The following MACO1 variants were observed in gnomAD, a reference collection of about 807,000 sequenced individuals.
The protein encoded by MACO1 is macoilin 1, also known as macoilin.
Under a neutral mutation model 78.7 loss-of-function variants are expected in MACO1, and 14 were observed. The ratio of observed to expected loss-of-function variants is 0.18; its 90% CI spans 0.12 to 0.28. The LOEUF is 0.28. Among genes scored for constraint, MACO1 ranks in the 10% least tolerant of loss-of-function variants. The pLI, the probability that MACO1 is intolerant of heterozygous loss-of-function variation, is 1.00. For missense variants in MACO1, 501 were observed against 799.0 expected, an observed-to-expected ratio of 0.63 and a Z score of 4.50; for synonymous variants, 288 against 291.6, an observed-to-expected ratio of 0.99 and a Z score of 0.12.
chr1:25,439,347 G>T (rs2042947559), intron 1 of MACO1, among the ~76,000 whole-genome samples: 1 of 151,936 alleles, frequency 6.6e-6, no homozygotes, highest in South Asian at 2.1e-4. Context: ...AGTGAGTTAT[G>T]ATCACACCAC....
intron 6 of MACO1, among the ~76,000 whole-genome samples, chr1:25,465,679 A>G (rs183787412): frequency 1.8e-4 from 27 of 152,332 alleles, no homozygotes; most frequent in African/African-American, 6.5e-4. Context: ...TTACATGCAT[A>G]GATTGTGTAT....
chr1:25,484,335 C>G (rs1195532831), intron 7 of MACO1, 61 bp downstream of exon 7: 3 of 1,500,120 alleles, frequency 2.0e-6, no homozygotes, highest in Non-Finnish European at 2.7e-6. Context: ...TCTCCTGTTG[C>G]CAGGGGTTGG....
rs144754271 is a variant in MACO1 at position 25,450,475 on chromosome 1, A to G, written c.349+1541A>G. 7.4e-4 allele frequency among the ~76,000 whole-genome samples: 112 copies of G among 152,320 alleles called. 1 individual carries two copies. The East Asian group carries it at 0.021, about 28-fold the overall frequency. ...GAGTCAAATTTGTCTGCAAAGCTGC[A>G]TGAAACTTGATTCTTGGGCCTAGCT... On this transcript the variant is annotated intron_variant, in intron 3 of 10. Coordinates refer to ENST00000374343, the MANE Select transcript of MACO1 (RefSeq NM_018202.6).
intron 6 of MACO1, among the ~76,000 whole-genome samples, chr1:25,459,303 C>T (rs1034905946): frequency 6.6e-6 from 1 of 151,928 alleles, no homozygotes; most frequent in Non-Finnish European, 1.5e-5. Context: ...AGAAAGTTGT[C>T]CTTACTACTT....
chr1:25,431,452 G>T (rs1474846554), intron 1 of MACO1, among the ~76,000 whole-genome samples: 2 of 150,600 alleles, frequency 1.3e-5, no homozygotes, highest in Non-Finnish European at 1.5e-5. Context: ...GGGCCCGCCG[G>T]GGGGAGGGGC....
chr1:25,497,178 C>T (rs2043544958), intron 10 of MACO1, among the ~76,000 whole-genome samples: 2 of 151,956 alleles, frequency 1.3e-5, no homozygotes, highest in Non-Finnish European at 2.9e-5. Flanking sequence ...GTTGGGAGTT[C>T]GAGACCAGCC....
chr1:25,448,801 C>A lies in MACO1; in HGVS notation c.223-7C>A. The A allele has an allele frequency of 6.6e-7, 1 of 1,518,222 alleles. No individual in the cohort carries two copies. 94.0% of individuals were successfully genotyped at this position (1,518,222 alleles called of 1,614,324 possible). On this transcript the variant is annotated splice_polypyrimidine_tract_variant and splice_region_variant and intron_variant, in intron 2 of 10. Transcript: ENST00000374343. ...TATCTTTTATTTTGTTTTATTTTTC[C>A]CTTTAGGCCTTCTCAGTATTTTTTG...
At chr1:25,459,442 CAA>C (rs2043152181) in intron 6 of MACO1, among the ~76,000 whole-genome samples, 1 of 151,640 alleles carries the variant, frequency 6.6e-6, no homozygotes, top group South Asian at 2.1e-4. Context: ...GTGTTAGACA[CAA>C]AGTTTAATTA....
At position 25,431,034 on chromosome 1, in the gene MACO1, C is replaced by T; in HGVS notation, c.-65C>T. The T allele has an allele frequency of 2.2e-6, 3 of 1,393,456 alleles. No homozygotes were observed. The highest frequency in any genetic ancestry group is 1.9e-6 in the Non-Finnish European group (2 of 1,031,178). 86.3% of individuals were successfully genotyped at this position (1,393,456 alleles called of 1,614,324 possible). On this transcript the variant is annotated 5_prime_UTR_variant, in exon 1 of 11. Transcript: ENST00000374343. ...CCAGGCCCGACGCGGGGCGGGCCAG[C>T]GGCGGCGGCAGCTGAGGTGAGAGAC...
At chr1:25,455,920 T>C (rs1251618446) in intron 4 of MACO1, among the ~76,000 whole-genome samples, 2 of 152,094 alleles carry the variant, frequency 1.3e-5, no homozygotes, top group Non-Finnish European at 2.9e-5. Context: ...TTTTAACACT[T>C]ATGTTTACTT....
intron 9 of MACO1, 152 bp from the exon 10 acceptor site, chr1:25,491,258 A>AT: frequency 1.1e-6 from 1 of 902,892 alleles, no homozygotes; most frequent in Non-Finnish European, 1.7e-6. Flanking sequence ...ATATAAACAC[A>AT]TTTAGCACTT....
At chr1:25,483,045 C>T (rs1199463921) in intron 6 of MACO1, among the ~76,000 whole-genome samples, 1 of 151,928 alleles carries the variant, frequency 6.6e-6, no homozygotes, top group South Asian at 2.1e-4. Flanking sequence ...TTATAGTTTT[C>T]GTTTGTTTGT....
At chr1:25,476,992 A>G (rs2043326378) in intron 6 of MACO1, among the ~76,000 whole-genome samples, 1 of 152,232 alleles carries the variant, frequency 6.6e-6, no homozygotes, top group African/African-American at 2.4e-5. Flanking sequence ...AACTTTAGAA[A>G]TACAGTCCCA....
In MACO1 at chr1:25,500,046, T is replaced by C. The variant is rs547492468; in HGVS notation, c.*1580T>C. 1 of 152,340 alleles carries C rather than the reference T, an allele frequency of 6.6e-6. No homozygotes were observed. The highest frequency in any genetic ancestry group is 2.4e-5 in the African/African-American group (1 of 41,582). The allele number at this position is 152,340 out of a possible 1,614,324, so 9.4% of individuals were successfully genotyped here. A position where few individuals can be genotyped will look rare whatever the true frequency, so the allele number is the denominator to read the frequency against. The stretch of plus-strand genomic sequence containing the variant: ...TGTTACTCAGAATTGTCATAGATTT[T>C]CTCTTCTTTGTGCAAAAACATGGAA... On this transcript the variant is annotated 3_prime_UTR_variant, in exon 11 of 11. Transcript: ENST00000374343.
intron 10 of MACO1, among the ~76,000 whole-genome samples, chr1:25,493,876 C>T (rs1022930095): frequency 4.6e-5 from 7 of 151,840 alleles, no homozygotes; most frequent in South Asian, 2.1e-4. Flanking sequence ...GGGACTACGG[C>T]GCCCGCCACC....
chr1:25,478,719 T>G (rs1384046374), intron 6 of MACO1, among the ~76,000 whole-genome samples: 1 of 152,242 alleles, frequency 6.6e-6, no homozygotes, highest in Non-Finnish European at 1.5e-5. Flanking sequence ...CTGGACCTGA[T>G]GTGTAATAAT....
At chr1:25,431,946 G>A (rs929658295) in intron 1 of MACO1, among the ~76,000 whole-genome samples, 1 of 150,730 alleles carries the variant, frequency 6.6e-6, no homozygotes, top group Admixed American at 6.6e-5. Flanking sequence ...AAGAAAAGCA[G>A]TGTCCCTTTA....
At chr1:25,467,423 G>A (rs971233639) in intron 6 of MACO1, among the ~76,000 whole-genome samples, 3 of 152,204 alleles carry the variant, frequency 2.0e-5, no homozygotes, top group South Asian at 2.1e-4. Flanking sequence ...GTTTCTTGTC[G>A]GCAATTGTTA....
intron 6 of MACO1, among the ~76,000 whole-genome samples, chr1:25,466,899 A>G (rs1005090879): frequency 6.6e-6 from 1 of 152,032 alleles, no homozygotes; most frequent in East Asian, 1.9e-4. Flanking sequence ...TCATTTTCTC[A>G]ACTTAGTCTA....
Sources: allele counts gnomAD v4.1 joint callset (sites outside exome capture counted in the v4.1 genomes callset), GRCh38; gene constraint gnomAD v4.1.1; transcripts MANE v1.5; gene names NCBI Gene and HGNC (gene_info 2026-07-23, HGNC 2026-07-21).